The following NRXN3 variants were observed in gnomAD, a reference collection of about 807,000 sequenced individuals.
The protein encoded by NRXN3 is neurexin 3, also known as neurexin III.
In NRXN3, 32 loss-of-function variants were observed where a neutral mutation model predicts 137.6. The observed-to-expected ratio is 0.23, with a 90% confidence interval of 0.18 to 0.31. The LOEUF (loss-of-function observed/expected upper bound fraction) is 0.31, where lower values mean the gene tolerates loss of function less well. NRXN3 is among the 10% of genes least tolerant of loss of function. The pLI is 1.00. For synonymous variants in NRXN3, 798 were observed against 784.5 expected (o/e 1.02, Z -0.29); for missense variants, 1,574 against 2,062.5 (o/e 0.76, Z 4.59).
chr14:79,803,551 A>C (rs139488769), intron 19 of NRXN3, among the ~76,000 whole-genome samples: 120 of 152,188 alleles, frequency 7.9e-4, no homozygotes, highest in Admixed American at 1.5e-3. Flanking sequence ...ATTAGGGCTC[A>C]TCCTAATGCT....
intron 4 of NRXN3, among the ~76,000 whole-genome samples, chr14:78,641,692 T>C (rs1216470889): frequency 6.6e-6 from 1 of 152,130 alleles, no homozygotes; most frequent in East Asian, 1.9e-4. Flanking sequence ...AGGGAAGAGG[T>C]AAACTGAGAA....
intron 15 of NRXN3, among the ~76,000 whole-genome samples, chr14:79,241,571 T>G (rs1010035560): frequency 3.3e-5 from 5 of 152,160 alleles, no homozygotes; most frequent in African/African-American, 1.2e-4. Context: ...CATGATTCAG[T>G]TATCTCCACC....
At chr14:79,676,822 C>T (rs927955695) in intron 17 of NRXN3, among the ~76,000 whole-genome samples, 2 of 151,976 alleles carry the variant, frequency 1.3e-5, no homozygotes, top group Admixed American at 6.6e-5. Context: ...AATTTTGACT[C>T]CAATTAAGTT....
At chr14:79,268,843 G>C (rs191471393) in intron 15 of NRXN3, among the ~76,000 whole-genome samples, 1 of 152,030 alleles carries the variant, frequency 6.6e-6, no homozygotes, top group East Asian at 1.9e-4. Flanking sequence ...CATTAATCAA[G>C]TATTGGTTAT....
chr14:79,180,222 C>T lies in NRXN3; in HGVS notation c.3262+192081C>T, dbSNP rs117845623. On this transcript the variant is annotated intron_variant, in intron 15 of 20. Transcript: ENST00000335750. The stretch of plus-strand genomic sequence containing the variant: ...CAATTACATGTAGCGCCAAGGTAGC[C>T]GTGACAATGTAGTCCAGTTGCCATA... 2.9e-3 allele frequency among the ~76,000 whole-genome samples: 442 copies of T among 152,220 alleles called. 14 individuals carry two copies. In the South Asian group the frequency reaches 0.043, roughly 15 times the overall value.
intron 15 of NRXN3, among the ~76,000 whole-genome samples, chr14:78,991,657 A>C (rs919426971): frequency 1.3e-5 from 2 of 152,228 alleles, no homozygotes; most frequent in African/African-American, 4.8e-5. Flanking sequence ...TAAATCCATC[A>C]TGTGTAAAAA....
At chr14:79,326,204 G>C (rs1471164615) in intron 15 of NRXN3, among the ~76,000 whole-genome samples, 1 of 152,160 alleles carries the variant, frequency 6.6e-6, no homozygotes, top group African/African-American at 2.4e-5. Flanking sequence ...GGGCAGTAGA[G>C]GCCACAGAGT....
rs1287312545 is a variant in NRXN3 at position 79,253,429 on chromosome 14, C to T, written c.3263-213792C>T. On this transcript the variant is annotated intron_variant, in intron 15 of 20. Transcript: ENST00000335750. ...AATCTGACATATGCGAGAAGGTCCT[C>T]TCTCACCCAAAAACTTTTACAGAAA... Among the ~76,000 whole-genome samples the T allele has an allele frequency of 2.8e-4, 43 of 152,178 alleles. 1 individual carries two copies. The highest frequency in any genetic ancestry group is 2.8e-3 in the Admixed American group (43 of 15,276).
intron 15 of NRXN3, among the ~76,000 whole-genome samples, chr14:79,380,710 C>T (rs1275371033): frequency 6.6e-6 from 1 of 152,082 alleles, no homozygotes; most frequent in African/African-American, 2.4e-5. Context: ...TGGGTATATA[C>T]CCAGTAATGG....
chr14:78,973,055 T>G (rs1014020116), intron 14 of NRXN3: 1 of 152,202 alleles, frequency 6.6e-6, no homozygotes, highest in Non-Finnish European at 1.5e-5. Flanking sequence ...TGTGTTCTTC[T>G]GAAAGGGTGA....
At chr14:79,748,085 A>G (rs1416813761) in intron 19 of NRXN3, among the ~76,000 whole-genome samples, 1 of 152,086 alleles carries the variant, frequency 6.6e-6, no homozygotes, top group East Asian at 1.9e-4. Context: ...CAGCTAATGC[A>G]TGTGGGGCTT....
chr14:79,533,975 T>C (rs1334893742), intron 16 of NRXN3, among the ~76,000 whole-genome samples: 3 of 152,228 alleles, frequency 2.0e-5, no homozygotes, highest in South Asian at 4.1e-4. Context: ...TTTGCAAATG[T>C]ACTCCTTAAC....
chr14:79,491,934 TTC>T (rs1366683274), intron 16 of NRXN3, among the ~76,000 whole-genome samples: 3 of 152,204 alleles, frequency 2.0e-5, no homozygotes, highest in East Asian at 3.9e-4. Flanking sequence ...AAGGAGACAA[TTC>T]TCTGACAAAC....
chr14:79,081,123 A>G (rs2046908138), intron 15 of NRXN3, among the ~76,000 whole-genome samples: 2 of 152,190 alleles, frequency 1.3e-5, no homozygotes, highest in Non-Finnish European at 2.9e-5. Context: ...AGAACCATCA[A>G]TGAAGTTAGT....
intron 10 of NRXN3, among the ~76,000 whole-genome samples, chr14:78,877,485 C>T (rs1487989590): frequency 1.3e-5 from 2 of 152,136 alleles, no homozygotes; most frequent in African/African-American, 2.4e-5. Context: ...AAAATACATA[C>T]TGCCTTGTAG....
intron 1 of NRXN3, among the ~76,000 whole-genome samples, chr14:78,217,011 A>G (rs1419885839): frequency 1.3e-5 from 2 of 152,268 alleles, no homozygotes; most frequent in African/African-American, 2.4e-5. Context: ...ACTTGATGAC[A>G]TCTGTAAAGA....
rs572131251 is a variant in NRXN3 at position 78,881,956 on chromosome 14, G to T, written c.2275+71612G>T. On this transcript the variant is annotated intron_variant, in intron 10 of 20. Coordinates refer to ENST00000335750, the MANE Select transcript of NRXN3 (RefSeq NM_001330195.2). ...AATGGTTTCCTGGGCCAGGTCCAGG[G>T]CTCCCCTGCTGTGTGCAACTTGAGT... is the stretch of plus-strand genomic sequence containing the variant. 5.3e-5 allele frequency among the ~76,000 whole-genome samples: 8 copies of T among 151,760 alleles called. No individual in the cohort carries two copies. The East Asian group carries it at 1.6e-3, about 29-fold the overall frequency.
intron 4 of NRXN3, among the ~76,000 whole-genome samples, chr14:78,373,498 A>C (rs2087242792): frequency 6.6e-6 from 1 of 152,188 alleles, no homozygotes; most frequent in African/African-American, 2.4e-5. Context: ...TCAGGGGTAA[A>C]GCCATGTGGT....
At chr14:79,713,584 C>CATACATATAAT (rs1555654753) in intron 19 of NRXN3, among the ~76,000 whole-genome samples, 4 of 115,688 alleles carry the variant, frequency 3.5e-5, no homozygotes, top group Non-Finnish European at 3.7e-5. Flanking sequence ...TTTATATATA[C>CATACATATAAT]ATATATATAT....
Sources: allele counts gnomAD v4.1 joint callset (sites outside exome capture counted in the v4.1 genomes callset), GRCh38; gene constraint gnomAD v4.1.1; transcripts MANE v1.5; gene names NCBI Gene and HGNC (gene_info 2026-07-23, HGNC 2026-07-21).